ANO4: variants seen among roughly 807,000 people sequenced by gnomAD.
The protein encoded by ANO4 is anoctamin 4.
Under a neutral mutation model 141.9 loss-of-function variants are expected in ANO4, and 69 were observed. The observed-to-expected ratio is 0.49, with a 90% CI of 0.40 to 0.59. The LOEUF (loss-of-function observed/expected upper bound fraction) is 0.59, where lower values mean the gene tolerates loss of function less well. Ranked by LOEUF, ANO4 falls within the 20% of genes least tolerant of loss-of-function variation. The probability of loss-of-function intolerance (pLI) is 0.00; values close to 1 mark genes in which losing one functional copy is unlikely to be tolerated. For synonymous variants in ANO4, 350 were observed against 394.3 expected (o/e 0.89, Z 1.33); for missense variants, 894 against 1,162.2 (o/e 0.77, Z 3.36).
chr12:100,865,169 A>G (rs976509799), intron 1 of ANO4, among the ~76,000 whole-genome samples: 4 of 152,184 alleles, frequency 2.6e-5, no homozygotes, highest in African/African-American at 9.6e-5. Context: ...GCTGGGTCAA[A>G]TGGTATTTCT....
intron 1 of ANO4, among the ~76,000 whole-genome samples, chr12:100,854,796 T>C (rs996565341): frequency 6.6e-6 from 1 of 152,200 alleles, no homozygotes; most frequent in African/African-American, 2.4e-5. Context: ...CTCATCATGT[T>C]CCATTTCCTT....
rs1273022697 is a variant in ANO4, at chr12:101,048,389, A to G, written c.1300A>G (p.Met434Val). The G allele has an allele frequency of 1.9e-6, 3 of 1,613,728 alleles. No homozygotes were observed. The Admixed American group carries it at 5.0e-5, about 27-fold the overall frequency. ...NGATVFFAVF[M>V]AVWATVFLEF... Reference sequence around the variant, plus strand: ...AGCCACTGTCTTCTTTGCTGTTTTCATGGCAGTCTGGGGTAAGTGTTCTAT... The same window carrying G: ...AGCCACTGTCTTCTTTGCTGTTTTCGTGGCAGTCTGGGGTAAGTGTTCTAT... Residue 434 changes from methionine (M) to valine (V), a missense_variant, in exon 14 of 28, where the codon ATG becomes GTG. Met to Val is a conservative substitution (Grantham distance 21). This residue lies in a region of ANO4 where 637 missense variants were observed against 909.2 expected (regional missense o/e 0.70). Coordinates refer to ENST00000392977, the MANE Select transcript of ANO4 (RefSeq NM_001286615.2).
chr12:100,746,453 T>TAAAAAAAAAA (rs58996492), intron 3 of ANO4, among the ~76,000 whole-genome samples: 1 of 146,898 alleles, frequency 6.8e-6, no homozygotes, highest in Non-Finnish European at 1.5e-5. Flanking sequence ...ACTCTGTTAT[T>TAAAAAAAAAA]AAAAAGAATG....
intron 25 of ANO4, among the ~76,000 whole-genome samples, chr12:101,119,685 A>G (rs1036651670): frequency 2.6e-5 from 4 of 152,220 alleles, no homozygotes; most frequent in African/African-American, 9.6e-5. Context: ...ACTAAATAGT[A>G]CAATATTCAG....
chr12:101,043,690 A>G (rs984272994), intron 13 of ANO4, 55 bp downstream of exon 13: 27 of 1,275,796 alleles, frequency 2.1e-5, no homozygotes, highest in Non-Finnish European at 2.7e-5. Context: ...CACCTTCCTG[A>G]GGGATGGTGG....
intron 1 of ANO4, among the ~76,000 whole-genome samples, chr12:100,722,323 TAC>T (rs1337531382): frequency 6.6e-6 from 1 of 152,198 alleles, no homozygotes; most frequent in Non-Finnish European, 1.5e-5. Flanking sequence ...TTCTTTGAAT[TAC>T]ACTTGCAAAT....
chr12:101,087,213 TAGAC>T (rs1434040213), intron 17 of ANO4, among the ~76,000 whole-genome samples: 1 of 152,126 alleles, frequency 6.6e-6, no homozygotes, highest in Non-Finnish European at 1.5e-5. Flanking sequence ...GATAGGAAGA[TAGAC>T]AGTATCCAAA....
intron 14 of ANO4, among the ~76,000 whole-genome samples, chr12:101,075,636 A>AAAATAT: frequency 6.7e-6 from 1 of 149,072 alleles, no homozygotes; most frequent in Middle Eastern, 3.3e-3. Context: ...GTATAAGAGA[A>AAAATAT]ATATATATAT....
intron 3 of ANO4, among the ~76,000 whole-genome samples, chr12:100,760,594 A>G (rs566748185): frequency 6.6e-6 from 1 of 152,294 alleles, no homozygotes; most frequent in Non-Finnish European, 1.5e-5. Flanking sequence ...TCTCTTAGAA[A>G]TCTGTGGATA....
rs572208504 is a variant in ANO4, at chr12:100,974,901, G to C, written c.602+12G>C. The C allele has an allele frequency of 4.3e-6, 7 of 1,613,710 alleles. No individual in the cohort carries two copies. The African/African-American group carries it at 9.3e-5, about 22-fold the overall frequency. On this transcript the variant is annotated intron_variant, in intron 7 of 27. Transcript: ENST00000392977. ...AAGTTCATGAGCAGGTTAGTAGCAC[G>C]CTCTGTCCTGACAGTGTTTGTCTTT... is the stretch of plus-strand genomic sequence containing the variant.
intron 1 of ANO4, chr12:100,859,332 G>C (rs1438486382): frequency 6.6e-6 from 1 of 152,130 alleles, no homozygotes; most frequent in Non-Finnish European, 1.5e-5. Flanking sequence ...TTTGACAGTA[G>C]TTGCTCTATC....
In ANO4 at chr12:101,028,446, G is replaced by A. The variant is rs535096436; in HGVS notation, c.841+8306G>A. ...TAAGAACCTTGAAAAAAGGTTACAG[G>A]AGCTGATAACTAGAGAGAGTTTAGA... is the stretch of plus-strand genomic sequence containing the variant. On this transcript the variant is annotated intron_variant, in intron 9 of 27. Transcript: ENST00000392977. Among the ~76,000 whole-genome samples the A allele has an allele frequency of 2.0e-5, 3 of 152,276 alleles. No homozygotes were observed. The South Asian group carries it at 6.2e-4, about 32-fold the overall frequency.
At chr12:100,749,119 G>A (rs2032247232) in intron 3 of ANO4, among the ~76,000 whole-genome samples, 1 of 152,130 alleles carries the variant, frequency 6.6e-6, no homozygotes, top group South Asian at 2.1e-4. Context: ...CAAGCAGCAG[G>A]ACAGTGTGCA....
At chr12:101,042,181 C>T (rs2047434144) in intron 11 of ANO4, among the ~76,000 whole-genome samples, 153 bp from the exon 12 acceptor site, 1 of 152,150 alleles carries the variant, frequency 6.6e-6, no homozygotes, top group Non-Finnish European at 1.5e-5. Context: ...AAGCCCAGAT[C>T]CTAGATTTGA....
Position 101,018,327 on chromosome 12 carries a change from C to T in ANO4, c.735-1707C>T, listed in dbSNP as rs762905159. Among the ~76,000 whole-genome samples the T allele has an allele frequency of 3.2e-4, 49 of 152,200 alleles. 1 individual carries two copies. Among genetic ancestry groups the T allele is most frequent in the Non-Finnish European group, 6.3e-4 (43 of 68,042 alleles). On this transcript the variant is annotated intron_variant, in intron 8 of 27. Transcript: ENST00000392977. ...TGTCAGATAAATGCTGCAGCATCCT[C>T]ATTTACCCACACAGCGTTTATCGCT...
chr12:101,021,591 G>A (rs1167947597), intron 9 of ANO4, among the ~76,000 whole-genome samples: 1 of 152,186 alleles, frequency 6.6e-6, no homozygotes, highest in East Asian at 1.9e-4. Context: ...AAGCTTTCGG[G>A]TAGGGTGAAA....
intron 5 of ANO4, among the ~76,000 whole-genome samples, chr12:100,962,863 A>T (rs1320613699): frequency 6.6e-6 from 1 of 152,204 alleles, no homozygotes; most frequent in Non-Finnish European, 1.5e-5. Context: ...GCAGTATTCA[A>T]GAAGAGAGAT....
intron 5 of ANO4, among the ~76,000 whole-genome samples, chr12:100,950,897 A>G (rs1471223979): frequency 6.6e-6 from 1 of 152,208 alleles, no homozygotes; most frequent in Non-Finnish European, 1.5e-5. Context: ...GCCAGCAAAC[A>G]TGAAATTCAT....
chr12:100,766,347 TC>T (rs1184612022), intron 3 of ANO4, among the ~76,000 whole-genome samples: 4 of 152,162 alleles, frequency 2.6e-5, no homozygotes, highest in Non-Finnish European at 5.9e-5. Context: ...TTATTTGAGA[TC>T]TTTCTCTTCT....
Sources: gnomAD v4.1 joint callset for allele counts (sites outside exome capture counted in the v4.1 genomes callset) on GRCh38, gnomAD v4.1.1 for gene constraint, gnomAD v4.1.1 regional missense constraint, MANE v1.5 for transcripts, NCBI Gene and HGNC (gene_info 2026-07-23, HGNC 2026-07-21) for gene names.